The following USPL1 variants were observed in gnomAD, a reference collection of about 807,000 sequenced individuals.
USPL1 encodes ubiquitin specific peptidase like 1.
A neutral mutation model predicts 51.5 loss-of-function variants in USPL1; 27 were observed. The observed-to-expected ratio is 0.52, with a 90% CI of 0.39 to 0.72. USPL1 has a LOEUF of 0.72. USPL1 is among the 30% of genes least tolerant of loss of function. The pLI is 0.00. For missense variants in USPL1, 1,226 were observed against 1,268.0 expected, an observed-to-expected ratio of 0.97 and a Z score of 0.50; for synonymous variants, 451 against 459.6, an observed-to-expected ratio of 0.98 and a Z score of 0.24.
chr13:30,644,479 C>T (rs925677862), intron 6 of USPL1, among the ~76,000 whole-genome samples: 2 of 151,666 alleles, frequency 1.3e-5, no homozygotes, highest in African/African-American at 4.8e-5. Flanking sequence ...AGAGTAGACA[C>T]CATGAGCAAA....
intron 8 of USPL1, among the ~76,000 whole-genome samples, chr13:30,654,658 T>TA (rs1229915732): frequency 6.6e-6 from 1 of 152,188 alleles, no homozygotes; most frequent in East Asian, 1.9e-4. Flanking sequence ...AGGTAGTAGA[T>TA]AAGAGTGTAG....
At chr13:30,647,313 C>T (rs1410434545) in intron 7 of USPL1, among the ~76,000 whole-genome samples, 1 of 152,110 alleles carries the variant, frequency 6.6e-6, no homozygotes, top group African/African-American at 2.4e-5. Context: ...CCTTTTTTCT[C>T]CCTTTAAGGA....
In USPL1 at chr13:30,660,703, G is replaced by C. The variant is rs1304669096; in HGVS notation, c.*1347G>C. The C allele has an allele frequency of 6.6e-6, 1 of 152,160 alleles. No individual in the cohort carries two copies. The highest frequency in any genetic ancestry group is 1.5e-5 in the Non-Finnish European group (1 of 68,026). 9.4% of individuals were successfully genotyped at this position (152,160 alleles called of 1,614,324 possible). ...CATACAGAGGAGGGCAAGAAACCTT[G>C]TTACTTGAACTTTAGTAATGTTAAG... On this transcript the variant is annotated 3_prime_UTR_variant, in exon 9 of 9. Coordinates refer to ENST00000255304, the MANE Select transcript of USPL1 (RefSeq NM_005800.5).
At chr13:30,619,292 C>T (rs117661697) in intron 1 of USPL1, among the ~76,000 whole-genome samples, 3 of 152,136 alleles carry the variant, frequency 2.0e-5, no homozygotes, top group African/African-American at 7.2e-5. Context: ...AAATAAACCT[C>T]TGGTATTAAA....
chr13:30,639,224 A>G (rs554405568), intron 5 of USPL1, among the ~76,000 whole-genome samples: 38 of 45,934 alleles, frequency 8.3e-4, no homozygotes, highest in South Asian at 1.4e-3. Flanking sequence ...CAAAAAATGT[A>G]TATATATATA....
chr13:30,630,751 A>G (rs1446797937), intron 3 of USPL1, 84 bp from the exon 4 acceptor site: 2 of 1,360,230 alleles, frequency 1.5e-6, no homozygotes, highest in African/African-American at 2.9e-5. Context: ...AACATTCTAT[A>G]CATGTTTTTC....
rs533774536 is a variant in USPL1, at chr13:30,633,323, T to C, written c.868+1849T>C. On this transcript the variant is annotated intron_variant, in intron 4 of 8. Transcript: ENST00000255304. ...TGTAGTTATAGGAAAAAGCATAATA[T>C]ATAAAATGTTTAGTTACTATCCAAG... 1.7e-4 allele frequency among the ~76,000 whole-genome samples: 26 copies of C among 152,318 alleles called. 1 individual carries two copies. The South Asian group carries it at 5.2e-3, about 30-fold the overall frequency.
chr13:30,658,074 T>C lies in USPL1; in HGVS notation c.1997T>C (p.Val666Ala). The change falls in exon 9 of 9, where the codon GTA (valine) becomes GCA (alanine). Residue 666 changes from valine to alanine, a missense_variant. Val to Ala is a moderately conservative substitution (Grantham distance 64). Coordinates refer to ENST00000255304, the MANE Select transcript of USPL1 (RefSeq NM_005800.5). ...SQVVNTNMQSVQLNTEDTVNT... is the reference protein window; with the variant it reads ...SQVVNTNMQSAQLNTEDTVNT... ...GTTGTAAATACAAACATGCAGTCAG[T>C]ACAGCTGAATACAGAAGATACTGTA... 1 of 1,613,392 alleles carries C rather than the reference T, an allele frequency of 6.2e-7. No homozygotes were observed. Among genetic ancestry groups the C allele is most frequent in the South Asian group, 1.1e-5 (1 of 90,972 alleles).
At chr13:30,656,803 A>G (rs1041264435) in intron 8 of USPL1, among the ~76,000 whole-genome samples, 13 of 151,824 alleles carry the variant, frequency 8.6e-5, no homozygotes, top group Admixed American at 5.2e-4. Flanking sequence ...AAGGATTCCA[A>G]TTTCTCTACA....
chr13:30,643,770 C>T (rs910648002), intron 6 of USPL1, among the ~76,000 whole-genome samples: 12 of 151,220 alleles, frequency 7.9e-5, no homozygotes, highest in Admixed American at 2.0e-4. Context: ...CCACCACGCC[C>T]GGCTGATTTT....
At position 30,653,154 on chromosome 13, in the gene USPL1, T is replaced by C. The variant is rs758106852; in HGVS notation, c.1245T>C (p.Ser415=). ...QIRKMVLEKV[S]PIFMLHFVEG... is the part of the protein sequence containing the mutation. ...TTGCTTTTCTCTCCCACAGAGTATC[T>C]CCCATATTCATGTTGCACTTTGTAG... The change falls in exon 8 of 9, where the codon TCT becomes TCC. Residue 415 remains serine, a synonymous_variant. Transcript: ENST00000255304. 6.3e-7 allele frequency: 1 copy of C among 1,585,034 alleles called. No homozygotes were observed. Among genetic ancestry groups the C allele is most frequent in the Non-Finnish European group, 8.6e-7 (1 of 1,162,440 alleles).
intron 7 of USPL1, among the ~76,000 whole-genome samples, chr13:30,650,321 A>C (rs925699409): frequency 1.3e-4 from 20 of 152,104 alleles, no homozygotes; most frequent in African/African-American, 4.6e-4. Context: ...TTATGCCTGT[A>C]GTCCCAGCAC....
At chr13:30,636,930 TTTTTGTTGTTGTTG>T (rs1950884133) in intron 4 of USPL1, among the ~76,000 whole-genome samples, 1 of 152,094 alleles carries the variant, frequency 6.6e-6, no homozygotes, top group Non-Finnish European at 1.5e-5. Context: ...CTAGCCAGAT[TTTTTGTTGTTGTTG>T]TTTTGTTTTT....
rs112210719 is a variant in USPL1 at position 30,637,789 on chromosome 13, A to G, written c.914A>G (p.Glu305Gly). The G allele has an allele frequency of 6.2e-7, 1 of 1,613,680 alleles. No individual in the cohort carries two copies. The highest frequency in any genetic ancestry group is 8.5e-7 in the Non-Finnish European group (1 of 1,179,828). Residue 305 changes from glutamate (E) to glycine (G), a missense_variant, in exon 5 of 9, where the codon GAG (glutamate) becomes GGG (glycine). Physicochemically the swap from Glu to Gly is moderately conservative, Grantham distance 98. Transcript: ENST00000255304. ...ACCTCAGAAATATTTGCAGAGATAGAGACCTGTCTGAATGAAGTTAGAGAT... is the reference window on the plus strand; with the variant it reads ...ACCTCAGAAATATTTGCAGAGATAGGGACCTGTCTGAATGAAGTTAGAGAT... ...KLTSEIFAEI[E>G]TCLNEVRDEI...
In USPL1 at chr13:30,630,991, A is replaced by C; in HGVS notation, c.385A>C (p.Ile129Leu). 6.2e-7 allele frequency: 1 copy of C among 1,614,102 alleles called. No individual in the cohort carries two copies. Among genetic ancestry groups the C allele is most frequent in the Non-Finnish European group, 8.5e-7 (1 of 1,180,026 alleles). ...AAATTCCAAAAAGACTAGAAATTAT[A>C]TTGCTATTGACGGTGGAAAAGTTTT... ...LANSKKTRNY[I>L]AIDGGKVLNS... is the part of the protein sequence containing the mutation. The change falls in exon 4 of 9, where the codon ATT becomes CTT. Residue 129 changes from isoleucine (I) to leucine (L), a missense_variant. Transcript: ENST00000255304.
At position 30,659,085 on chromosome 13, in the gene USPL1, T is replaced by G. The variant is rs60077235; in HGVS notation, c.3008T>G (p.Ile1003Ser). 6.1e-4 allele frequency: 980 copies of G among 1,614,136 alleles called. 10 individuals carry two copies. The East Asian group carries it at 0.02, about 32-fold the overall frequency. ...FRYLGMGDSH[I>S]PPPVPSEFND... ...TATTTGGGAATGGGAGATAGTCATATCCCACCACCAGTACCAAGTGAATTC... is the reference window on the plus strand; with the variant it reads ...TATTTGGGAATGGGAGATAGTCATAGCCCACCACCAGTACCAAGTGAATTC... The change falls in exon 9 of 9, where the codon ATC becomes AGC. Residue 1003 changes from isoleucine to serine, a missense_variant. Coordinates refer to ENST00000255304, the MANE Select transcript of USPL1 (RefSeq NM_005800.5).
In USPL1 at chr13:30,660,208, TACTG is replaced by T. The variant is rs1427566190; in HGVS notation, c.*853_*856del. On this transcript the variant is annotated 3_prime_UTR_variant, in exon 9 of 9. Transcript: ENST00000255304. ...GGCCTCGGGGGAGGAAGTGCATACT[TACTG>T]GCCTGGAAAAGGCACCAGTTCCCAC... The T allele has an allele frequency of 6.6e-6, 1 of 152,262 alleles. No homozygotes were observed. The highest frequency in any genetic ancestry group is 1.5e-5 in the Non-Finnish European group (1 of 68,108). The allele number at this position is 152,262 out of a possible 1,614,324, so 9.4% of individuals were successfully genotyped here. A position where few individuals can be genotyped will look rare whatever the true frequency, so the allele number is the denominator to read the frequency against.
In USPL1 at chr13:30,624,557, C is replaced by G. The variant is rs188477264; in HGVS notation, c.228+2665C>G. On this transcript the variant is annotated intron_variant, in intron 3 of 8. Coordinates refer to ENST00000255304, the MANE Select transcript of USPL1 (RefSeq NM_005800.5). ...CGGCACCATGCCCAGGAGGTCCAGG[C>G]TGCAGTGAGCTGTGATTGTGCCACT... 7.5e-3 allele frequency among the ~76,000 whole-genome samples: 1,149 copies of G among 152,218 alleles called. 5 individuals carry two copies. The highest frequency in any genetic ancestry group is 9.5e-3 in the Non-Finnish European group (649 of 68,012).
At chr13:30,649,866 G>A (rs1951065743) in intron 7 of USPL1, among the ~76,000 whole-genome samples, 1 of 152,188 alleles carries the variant, frequency 6.6e-6, no homozygotes, top group South Asian at 2.1e-4. Context: ...ATCTTAGCCT[G>A]ATGTCTCTTG....
Sources: gnomAD v4.1 joint callset for allele counts (sites outside exome capture counted in the v4.1 genomes callset) on GRCh38, gnomAD v4.1.1 for gene constraint, MANE v1.5 for transcripts, NCBI Gene and HGNC (gene_info 2026-07-23, HGNC 2026-07-21) for gene names.